The following LPP variants were observed in gnomAD, a reference collection of about 807,000 sequenced individuals.
LPP encodes lipoma-preferred partner.
A neutral mutation model predicts 60.4 loss-of-function variants in LPP; 38 were observed. The ratio of observed to expected loss-of-function variants is 0.63; its 90% CI spans 0.49 to 0.83. LPP has a LOEUF of 0.83. LPP is among the 40% of genes least tolerant of loss of function. The pLI is 0.00. For missense variants in LPP, 902 were observed against 783.6 expected, an observed-to-expected ratio of 1.15 and a Z score of -1.80; for synonymous variants, 328 against 290.8, an observed-to-expected ratio of 1.13 and a Z score of -1.30.
rs531564829 is a variant in LPP, at chr3:188,348,918, G to C, written c.-10+7199G>C. Among the ~76,000 whole-genome samples the C allele has an allele frequency of 7.9e-5, 12 of 152,268 alleles. 1 individual carries two copies. Among genetic ancestry groups the C allele is most frequent in the African/African-American group, 2.9e-4 (12 of 41,544 alleles). Reference sequence around the variant, plus strand: ...CGGGGATGCTGTGAAGTCACTCCTTGGGAATAATGGAAGACTGGGTTGAAG... The same window carrying C: ...CGGGGATGCTGTGAAGTCACTCCTTCGGAATAATGGAAGACTGGGTTGAAG... On this transcript the variant is annotated intron_variant, in intron 3 of 11. Coordinates refer to ENST00000617246, the MANE Select transcript of LPP (RefSeq NM_001375462.1).
At chr3:188,838,589 C>G (rs532363075) in intron 9 of LPP, among the ~76,000 whole-genome samples, 66 of 152,200 alleles carry the variant, frequency 4.3e-4, no homozygotes, top group African/African-American at 1.5e-3. Flanking sequence ...AAAGTTGAAG[C>G]GTAATTTCTT....
rs1399548527 is a variant in LPP, at chr3:188,874,495, CA to C, written c.*17del. 1 of 1,611,972 alleles carries C rather than the reference CA, an allele frequency of 6.2e-7. No individual in the cohort carries two copies. The highest frequency in any genetic ancestry group is 8.5e-7 in the Non-Finnish European group (1 of 1,178,552). ...TGACCTTTAGATTCAGTCACCTGTT[CA>C]GCCGGCACTGAGAAGAACGAACACA... On this transcript the variant is annotated 3_prime_UTR_variant, in exon 12 of 12. Coordinates refer to ENST00000617246, the MANE Select transcript of LPP (RefSeq NM_001375462.1).
At chr3:188,534,611 GTTTTTTAACTCA>G (rs1823075227) in intron 6 of LPP, among the ~76,000 whole-genome samples, 1 of 152,108 alleles carries the variant, frequency 6.6e-6, no homozygotes, top group African/African-American at 2.4e-5. Flanking sequence ...GTCTAGCTAT[GTTTTTTAACTCA>G]AGATGACTAG....
chr3:188,830,824 A>G (rs1372911328), intron 9 of LPP, among the ~76,000 whole-genome samples: 1 of 152,176 alleles, frequency 6.6e-6, no homozygotes, highest in Non-Finnish European at 1.5e-5. Context: ...GGCCGAGTTT[A>G]TTGGACACTG....
At chr3:188,757,834 A>G (rs902080831) in intron 8 of LPP, among the ~76,000 whole-genome samples, 3 of 150,616 alleles carry the variant, frequency 2.0e-5, no homozygotes, top group African/African-American at 7.4e-5. Flanking sequence ...AAGCTGTTAG[A>G]ATTTAAGCAT....
intron 3 of LPP, among the ~76,000 whole-genome samples, 194 bp from the exon 4 acceptor site, chr3:188,405,918 C>T (rs944205220): frequency 1.3e-5 from 2 of 151,770 alleles, no homozygotes; most frequent in Non-Finnish European, 2.9e-5. Context: ...CTCCTTCCTC[C>T]TTTTCCTCCT....
intron 8 of LPP, among the ~76,000 whole-genome samples, chr3:188,729,160 T>C (rs553518698): frequency 1.7e-4 from 26 of 152,264 alleles, no homozygotes; most frequent in Non-Finnish European, 2.6e-4. Flanking sequence ...AGAAACAGCA[T>C]GTACAAAGGT....
rs147001693 is a variant in LPP at position 188,576,413 on chromosome 3, G to A, written c.430-32748G>A. On this transcript the variant is annotated intron_variant, in intron 6 of 11. Transcript: ENST00000617246. ...GTTCATTCTGCATAACACACATGGC[G>A]CCAGGCACATTACCTAGTACCTCTA... Among the ~76,000 whole-genome samples, 722 of 152,206 alleles carry A rather than the reference G, an allele frequency of 4.7e-3. 21 individuals carry two copies. Among genetic ancestry groups the A allele is most frequent in the Admixed American group, 0.044 (668 of 15,292 alleles).
chr3:188,512,651 A>G (rs1461981567), intron 5 of LPP, among the ~76,000 whole-genome samples: 2 of 152,158 alleles, frequency 1.3e-5, no homozygotes, highest in Admixed American at 1.3e-4. Flanking sequence ...ATCTCTGAGT[A>G]CATGATATGG....
chr3:188,252,031 GATATATAT>G (rs10579787), intron 2 of LPP, among the ~76,000 whole-genome samples: 961 of 41,348 alleles, frequency 0.023, 13 homozygotes, highest in East Asian at 0.034. Context: ...TTTTAATCCT[GATATATAT>G]ATATATATAT....
At chr3:188,443,494 A>C (rs2149280018) in intron 4 of LPP, among the ~76,000 whole-genome samples, 1 of 152,348 alleles carries the variant, frequency 6.6e-6, no homozygotes, top group Non-Finnish European at 1.5e-5. Context: ...TTTCTCCTTC[A>C]AATGACATAT....
Position 188,740,345 on chromosome 3 carries a change from A to G in LPP, c.1241-19768A>G, listed in dbSNP as rs994040294. Reference sequence around the variant, plus strand: ...TAACATTTTAGGACTGCAAGAAAGTAGTGTGTTTTATCCTCTGATACATTC... The same window carrying G: ...TAACATTTTAGGACTGCAAGAAAGTGGTGTGTTTTATCCTCTGATACATTC... On this transcript the variant is annotated intron_variant, in intron 8 of 11. Transcript: ENST00000617246. Among the ~76,000 whole-genome samples, 7 of 152,220 alleles carry G rather than the reference A, an allele frequency of 4.6e-5. No homozygotes were observed. The South Asian group carries it at 8.3e-4, about 18-fold the overall frequency.
chr3:188,363,776 G>A (rs948765435), intron 3 of LPP, among the ~76,000 whole-genome samples: 1 of 151,902 alleles, frequency 6.6e-6, no homozygotes, highest in African/African-American at 2.4e-5. Context: ...ATGATGGCGG[G>A]CTCCTGTAAT....
intron 9 of LPP, among the ~76,000 whole-genome samples, chr3:188,783,110 T>C (rs1740351515): frequency 6.6e-6 from 1 of 152,172 alleles, no homozygotes; most frequent in Non-Finnish European, 1.5e-5. Flanking sequence ...TCATCCATTC[T>C]TTATCCTACC....
chr3:188,786,519 T>A (rs1377778534), intron 9 of LPP, among the ~76,000 whole-genome samples: 1 of 152,072 alleles, frequency 6.6e-6, no homozygotes, highest in Admixed American at 6.6e-5. Flanking sequence ...TTTTGGGAAT[T>A]TCTTCTTTTA....
chr3:188,797,669 A>C (rs1023429267), intron 9 of LPP, among the ~76,000 whole-genome samples: 1 of 152,216 alleles, frequency 6.6e-6, no homozygotes, highest in African/African-American at 2.4e-5. Flanking sequence ...TTACATGGCC[A>C]ATTCCAACGT....
At chr3:188,673,223 A>C (rs540944481) in intron 7 of LPP, among the ~76,000 whole-genome samples, 1 of 152,164 alleles carries the variant, frequency 6.6e-6, no homozygotes, top group South Asian at 2.1e-4. Context: ...ATAGAGAAGT[A>C]CCGTTTTTTT....
Position 188,602,166 on chromosome 3 carries a change from T to TATATATAATATATATATA in LPP, c.430-6988_430-6987insATATATATATAATATATA, listed in dbSNP as rs1553939377. 1.5e-4 allele frequency among the ~76,000 whole-genome samples: 19 copies of TATATATAATATATATATA among 126,416 alleles called. 1 individual carries two copies. Among genetic ancestry groups the TATATATAATATATATATA allele is most frequent in the Non-Finnish European group, 2.5e-4 (14 of 57,084 alleles). 82.9% of individuals were successfully genotyped at this position (126,416 alleles called of 152,430 possible). A position where few individuals can be genotyped will look rare whatever the true frequency, so the allele number is the denominator to read the frequency against. On this transcript the variant is annotated intron_variant, in intron 6 of 11. Transcript: ENST00000617246. ...TCATATATATATAATATATATATAA[T>TATATATAATATATATATA]ATATATATATTATATATATATATGA...
chr3:188,232,504 ATTTTTTTTT>A (rs71634069), intron 2 of LPP, among the ~76,000 whole-genome samples: 19 of 103,234 alleles, frequency 1.8e-4, no homozygotes, highest in African/African-American at 5.7e-4. Flanking sequence ...ACACCCGGCT[ATTTTTTTTT>A]TTTTTTTTTT....
Sources: allele counts gnomAD v4.1 joint callset (sites outside exome capture counted in the v4.1 genomes callset), GRCh38; gene constraint gnomAD v4.1.1; transcripts MANE v1.5; gene names NCBI Gene and HGNC (gene_info 2026-07-23, HGNC 2026-07-21).